The following KLHL3 variants were observed in gnomAD, a reference collection of about 807,000 sequenced individuals.
KLHL3 encodes kelch-like protein 3.
In KLHL3, 19 loss-of-function variants were observed where a neutral mutation model predicts 70.5. That is an observed-to-expected ratio of 0.27 (90% CI 0.19 to 0.40). The LOEUF is 0.40. Among genes scored for constraint, KLHL3 ranks in the 10% least tolerant of loss-of-function variants. KLHL3 has a pLI of 1.00. For missense variants in KLHL3, 512 were observed against 771.1 expected (o/e 0.66, Z 3.98); for synonymous variants, 258 against 290.3 (o/e 0.89, Z 1.13).
chr5:137,676,458 C>T (rs1751886669), intron 6 of KLHL3, among the ~76,000 whole-genome samples: 1 of 152,154 alleles, frequency 6.6e-6, no homozygotes, highest in Non-Finnish European at 1.5e-5. Context: ...TCAAGGAACT[C>T]AGCTGAATGT....
chr5:137,735,523 G>C (rs1753247381), intron 1 of KLHL3, 110 bp downstream of exon 1: 1 of 846,414 alleles, frequency 1.2e-6, no homozygotes, highest in South Asian at 1.4e-5. Context: ...TCAGTGGCCA[G>C]GTCTTCCAAC....
chr5:137,677,216 G>A (rs1751904625), intron 6 of KLHL3, among the ~76,000 whole-genome samples: 1 of 152,118 alleles, frequency 6.6e-6, no homozygotes, highest in Non-Finnish European at 1.5e-5. Context: ...GGAGGCTGAG[G>A]CGGGCGGATT....
intron 7 of KLHL3, 134 bp from the exon 8 acceptor site, chr5:137,658,414 T>C: frequency 1.4e-5 from 12 of 831,506 alleles, no homozygotes; most frequent in Non-Finnish European, 2.2e-5. Context: ...ACCCAAAGAG[T>C]TACAACTTAC....
At chr5:137,640,096 C>T in intron 8 of KLHL3, 119 bp from the exon 9 acceptor site, 1 of 811,526 alleles carries the variant, frequency 1.2e-6, no homozygotes, top group Admixed American at 1.8e-5. Context: ...TGCCAGTTTA[C>T]AGAGCTACAT....
At chr5:137,705,364 A>G (rs1752664966) in intron 3 of KLHL3, among the ~76,000 whole-genome samples, 1 of 152,212 alleles carries the variant, frequency 6.6e-6, no homozygotes, top group South Asian at 2.1e-4. Context: ...CCAGGCCCTC[A>G]TGGTTCTGCC....
intron 2 of KLHL3, among the ~76,000 whole-genome samples, chr5:137,710,243 G>A (rs527670826): frequency 6.6e-6 from 1 of 152,264 alleles, no homozygotes; most frequent in East Asian, 1.9e-4. Context: ...TGAGGAACAT[G>A]AGCATACCAG....
At chr5:137,690,259 G>A (rs541314192) in intron 5 of KLHL3, among the ~76,000 whole-genome samples, 1 of 152,068 alleles carries the variant, frequency 6.6e-6, no homozygotes, top group South Asian at 2.1e-4. Flanking sequence ...CCCAGGAGGC[G>A]GAGCTTGCAG....
chr5:137,633,580 T>C (rs1479504196), intron 12 of KLHL3, among the ~76,000 whole-genome samples: 1 of 152,174 alleles, frequency 6.6e-6, no homozygotes, highest in African/African-American at 2.4e-5. Context: ...TATCCATCAA[T>C]GGCTGATTAA....
intron 12 of KLHL3, chr5:137,628,728 GACAGACATACATACATACAT>G (rs938033913): frequency 1.0e-4 from 9 of 89,580 alleles, no homozygotes; most frequent in East Asian, 4.8e-4. Context: ...CACACAGACA[GACAGACATACATACATACAT>G]ACATACATAC....
At chr5:137,669,848 G>A (rs1437499274) in intron 6 of KLHL3, among the ~76,000 whole-genome samples, 1 of 152,218 alleles carries the variant, frequency 6.6e-6, no homozygotes, top group Non-Finnish European at 1.5e-5. Flanking sequence ...AAATAAGAAG[G>A]AATTCAATCC....
chr5:137,709,484 T>C (rs962271795), intron 3 of KLHL3, among the ~76,000 whole-genome samples: 1 of 152,220 alleles, frequency 6.6e-6, no homozygotes, highest in Non-Finnish European at 1.5e-5. Flanking sequence ...CACATGATTA[T>C]GGTGCAGGGT....
chr5:137,631,086 AAAAAGAGAG>A (rs1023684231), intron 12 of KLHL3, among the ~76,000 whole-genome samples: 5 of 149,662 alleles, frequency 3.3e-5, no homozygotes, highest in Admixed American at 6.6e-5. Context: ...AAAAAAAAAA[AAAAAGAGAG>A]AGAGAGAGAG....
At chr5:137,625,967 C>G in intron 13 of KLHL3, 71 bp from the exon 14 acceptor site, 1 of 1,587,850 alleles carries the variant, frequency 6.3e-7, no homozygotes, top group Non-Finnish European at 8.6e-7. Flanking sequence ...GATCAAGAGA[C>G]AAATCTGGAT....
intron 1 of KLHL3, among the ~76,000 whole-genome samples, chr5:137,734,116 T>A (rs576974514): frequency 3.0e-4 from 46 of 152,304 alleles, no homozygotes; most frequent in African/African-American, 1.1e-3. Flanking sequence ...AACTGTTTGA[T>A]CCGCTGCTGG....
At chr5:137,656,767 C>A (rs918792370) in intron 8 of KLHL3, among the ~76,000 whole-genome samples, 2 of 152,228 alleles carry the variant, frequency 1.3e-5, no homozygotes, top group African/African-American at 4.8e-5. Context: ...AGTATGCACT[C>A]TCAGGTTTAC....
chr5:137,671,445 A>G (rs894084139), intron 6 of KLHL3, among the ~76,000 whole-genome samples: 5 of 152,108 alleles, frequency 3.3e-5, no homozygotes, highest in African/African-American at 1.2e-4. Context: ...CCAGTCTATG[A>G]GCCCCTGAAT....
intron 4 of KLHL3, among the ~76,000 whole-genome samples, chr5:137,694,620 A>T (rs1326184953): frequency 6.6e-6 from 1 of 152,226 alleles, no homozygotes; most frequent in Non-Finnish European, 1.5e-5. Context: ...CTCTGCTCCC[A>T]GTCTCCAAAT....
intron 8 of KLHL3, 152 bp from the exon 9 acceptor site, chr5:137,640,129 C>A: frequency 1.5e-6 from 1 of 652,172 alleles, no homozygotes; most frequent in Non-Finnish European, 2.8e-6. Context: ...TGCTCCTGGT[C>A]ACCAACAGGT....
intron 1 of KLHL3, among the ~76,000 whole-genome samples, chr5:137,733,048 T>C (rs978738604): frequency 3.3e-5 from 5 of 152,170 alleles, no homozygotes; most frequent in African/African-American, 1.2e-4. Context: ...AATCCCTTGG[T>C]TGAAATTTTG....
Sources: allele counts gnomAD v4.1 joint callset (sites outside exome capture counted in the v4.1 genomes callset), GRCh38; gene constraint gnomAD v4.1.1; transcripts MANE v1.5; gene names NCBI Gene and HGNC (gene_info 2026-07-23, HGNC 2026-07-21).